DYNC1I1: variants seen among roughly 807,000 people sequenced by gnomAD.
The protein encoded by DYNC1I1 is cytoplasmic dynein 1 intermediate chain 1.
A neutral mutation model predicts 86.6 loss-of-function variants in DYNC1I1; 43 were observed. That is an observed-to-expected ratio of 0.50 (90% CI 0.39 to 0.64). DYNC1I1 has a LOEUF of 0.64. DYNC1I1 is among the 30% of genes least tolerant of loss of function. The pLI, the probability that DYNC1I1 is intolerant of heterozygous loss-of-function variation, is 0.00. For synonymous variants in DYNC1I1, 262 were observed against 283.7 expected (o/e 0.92, Z 0.77); for missense variants, 604 against 788.8 (o/e 0.77, Z 2.81).
At chr7:95,912,008 G>A (rs759893336) in intron 6 of DYNC1I1, among the ~76,000 whole-genome samples, 1 of 152,082 alleles carries the variant, frequency 6.6e-6, no homozygotes, top group African/African-American at 2.4e-5. Context: ...AAGGCTGCTT[G>A]TTTAGCACTC....
At chr7:95,994,505 G>T (rs1793810190) in intron 9 of DYNC1I1, among the ~76,000 whole-genome samples, 1 of 152,118 alleles carries the variant, frequency 6.6e-6, no homozygotes, top group African/African-American at 2.4e-5. Context: ...AACACCAAAG[G>T]GTCATCCCAG....
chr7:95,966,642 C>G (rs1634034), intron 6 of DYNC1I1, among the ~76,000 whole-genome samples: 1 of 152,208 alleles, frequency 6.6e-6, no homozygotes. Flanking sequence ...TCTTCCCTTT[C>G]TAAAGCCTCG....
intron 1 of DYNC1I1, among the ~76,000 whole-genome samples, chr7:95,782,174 A>G (rs1012238311): frequency 6.6e-6 from 1 of 152,156 alleles, no homozygotes; most frequent in Admixed American, 6.5e-5. Context: ...ACCTCTACTC[A>G]TGTTTCATGA....
chr7:96,029,845 A>G (rs1794765432), intron 11 of DYNC1I1, among the ~76,000 whole-genome samples: 1 of 151,550 alleles, frequency 6.6e-6, no homozygotes, highest in African/African-American at 2.4e-5. Flanking sequence ...CAGGAGGCAG[A>G]GGTAGGAGTG....
chr7:95,838,423 A>G (rs954096366), intron 5 of DYNC1I1, among the ~76,000 whole-genome samples: 1 of 152,202 alleles, frequency 6.6e-6, no homozygotes, highest in Non-Finnish European at 1.5e-5. Context: ...TTACAGTTCC[A>G]TACTGTTTTG....
At chr7:95,901,017 G>A (rs1161208686) in intron 6 of DYNC1I1, among the ~76,000 whole-genome samples, 2 of 152,134 alleles carry the variant, frequency 1.3e-5, no homozygotes, top group African/African-American at 4.8e-5. Context: ...AAAAAATAAA[G>A]TGTGGCAAAA....
intron 5 of DYNC1I1, among the ~76,000 whole-genome samples, chr7:95,838,166 G>T (rs1211554792): frequency 6.6e-6 from 1 of 152,090 alleles, no homozygotes; most frequent in Non-Finnish European, 1.5e-5. Flanking sequence ...ATAGTTGCAG[G>T]TCTTACATTT....
intron 6 of DYNC1I1, among the ~76,000 whole-genome samples, chr7:95,905,752 A>C (rs1367341860): frequency 1.3e-5 from 2 of 151,530 alleles, no homozygotes; most frequent in Admixed American, 6.6e-5. Flanking sequence ...CACTGTGAGC[A>C]GATTAAAATT....
At chr7:95,911,835 C>A (rs1056330337) in intron 6 of DYNC1I1, among the ~76,000 whole-genome samples, 2 of 151,984 alleles carry the variant, frequency 1.3e-5, no homozygotes, top group East Asian at 3.9e-4. Context: ...GGCTATCCTA[C>A]CAATAAGATA....
intron 1 of DYNC1I1, among the ~76,000 whole-genome samples, chr7:95,779,971 A>C (rs942888945): frequency 6.6e-6 from 1 of 152,114 alleles, no homozygotes; most frequent in African/African-American, 2.4e-5. Flanking sequence ...TATTTCATTG[A>C]AGAAATGACG....
At chr7:95,992,029 T>G (rs1390096053) in intron 9 of DYNC1I1, among the ~76,000 whole-genome samples, 5 of 151,970 alleles carry the variant, frequency 3.3e-5, no homozygotes, top group Admixed American at 1.3e-4. Flanking sequence ...CTGGTTAATT[T>G]TTGTATTTTT....
intron 14 of DYNC1I1, among the ~76,000 whole-genome samples, chr7:96,052,294 T>C (rs1354379850): frequency 2.0e-5 from 3 of 152,000 alleles, no homozygotes; most frequent in African/African-American, 7.3e-5. Context: ...CTAGGAAATA[T>C]TTAAGAAACC....
At chr7:96,005,451 G>A (rs1304997862) in intron 10 of DYNC1I1, among the ~76,000 whole-genome samples, 1 of 152,040 alleles carries the variant, frequency 6.6e-6, no homozygotes, top group Admixed American at 6.6e-5. Flanking sequence ...CGCTCTTTGT[G>A]AACAGCGATG....
intron 5 of DYNC1I1, among the ~76,000 whole-genome samples, chr7:95,864,799 C>T: frequency 6.6e-6 from 1 of 152,106 alleles, no homozygotes. Context: ...TCAAAGACGT[C>T]TGCCCATTCA....
chr7:95,812,754 C>A (rs1385477231), intron 3 of DYNC1I1, among the ~76,000 whole-genome samples: 1 of 152,182 alleles, frequency 6.6e-6, no homozygotes, highest in Non-Finnish European at 1.5e-5. Context: ...ATTTCTCTCT[C>A]AATGCAGACA....
intron 14 of DYNC1I1, among the ~76,000 whole-genome samples, chr7:96,065,378 C>CTTTTTTTTTTTTTTT (rs34423655): frequency 1.6e-5 from 2 of 127,578 alleles, no homozygotes; most frequent in African/African-American, 6.0e-5. Context: ...TTCTTTCTTT[C>CTTTTTTTTTTTTTTT]TTTTTTTTTT....
Position 95,852,033 on chromosome 7 carries a change from C to T in DYNC1I1, c.375-17850C>T, listed in dbSNP as rs547182341. Among the ~76,000 whole-genome samples, 31 of 152,210 alleles carry T rather than the reference C, an allele frequency of 2.0e-4. No homozygotes were observed. In the South Asian group the frequency reaches 5.2e-3, roughly 26 times the overall value. ...GGTAATGCTGGCTTCATAAAATGAG[C>T]CTGGAAGTGTCCCTCTCTTCAGTTT... On this transcript the variant is annotated intron_variant, in intron 5 of 16. Coordinates refer to ENST00000447467, the MANE Select transcript of DYNC1I1 (RefSeq NM_001135556.2).
chr7:95,972,104 G>A lies in DYNC1I1; in HGVS notation c.491-5408G>A, dbSNP rs191589602. Among the ~76,000 whole-genome samples the A allele has an allele frequency of 4.9e-3, 753 of 152,244 alleles. 1 individual carries two copies. The highest frequency in any genetic ancestry group is 7.6e-3 in the Non-Finnish European group (516 of 68,028). ...CAAACCCCTCTCTTCACAGAGGGTCGCCTTGTGTCGTTGAGGGTTCTGGTT... is the reference window on the plus strand; with the variant it reads ...CAAACCCCTCTCTTCACAGAGGGTCACCTTGTGTCGTTGAGGGTTCTGGTT... On this transcript the variant is annotated intron_variant, in intron 6 of 16. Coordinates refer to ENST00000447467, the MANE Select transcript of DYNC1I1 (RefSeq NM_001135556.2).
intron 6 of DYNC1I1, among the ~76,000 whole-genome samples, chr7:95,971,447 G>A (rs1370169200): frequency 2.0e-5 from 3 of 152,056 alleles, no homozygotes; most frequent in African/African-American, 7.2e-5. Flanking sequence ...TTATATAAAA[G>A]TGGCCAGGGC....
Sources: allele counts gnomAD v4.1 joint callset (sites outside exome capture counted in the v4.1 genomes callset), GRCh38; gene constraint gnomAD v4.1.1; transcripts MANE v1.5; gene names NCBI Gene and HGNC (gene_info 2026-07-23, HGNC 2026-07-21).